The following NSD1 variants were observed in gnomAD, a reference collection of about 807,000 sequenced individuals.
NSD1 encodes nuclear receptor binding SET domain protein 1.
NSD1 carries 26 observed loss-of-function variants against 242.7 expected under a neutral mutation model. The ratio of observed to expected loss-of-function variants is 0.11; its 90% CI spans 0.08 to 0.15. NSD1 has a LOEUF of 0.15. Ranked by LOEUF, NSD1 falls within the 10% of genes least tolerant of loss-of-function variation. The pLI is 1.00. For synonymous variants in NSD1, 1,106 were observed against 1,178.1 expected (o/e 0.94, Z 1.25); for missense variants, 2,495 against 3,272.8 (o/e 0.76, Z 5.80).
chr5:177,254,074 A>G (rs1756225928), intron 12 of NSD1, among the ~76,000 whole-genome samples: 1 of 151,916 alleles, frequency 6.6e-6, no homozygotes, highest in Admixed American at 6.6e-5. Context: ...CAGCCTCCCA[A>G]GTAGCTGGGA....
intron 2 of NSD1, among the ~76,000 whole-genome samples, chr5:177,146,036 CACTG>C (rs1757212159): frequency 6.6e-6 from 1 of 151,330 alleles, no homozygotes; most frequent in African/African-American, 2.4e-5. Context: ...CTACAGTGAA[CACTG>C]ACTGTGCCAC....
chr5:177,206,452 A>G (rs1762873807), intron 4 of NSD1, among the ~76,000 whole-genome samples: 1 of 152,180 alleles, frequency 6.6e-6, no homozygotes, highest in African/African-American at 2.4e-5. Flanking sequence ...CTTGTAGACT[A>G]TTTTTAAAAA....
chr5:177,155,059 C>T (rs559080694), intron 2 of NSD1, among the ~76,000 whole-genome samples: 10 of 150,746 alleles, frequency 6.6e-5, no homozygotes, highest in African/African-American at 9.7e-5. Flanking sequence ...GGTTTGATCT[C>T]GGCTCACTGC....
chr5:177,242,125 T>TA (rs1226668620), intron 8 of NSD1, among the ~76,000 whole-genome samples: 4 of 152,184 alleles, frequency 2.6e-5, no homozygotes, highest in African/African-American at 9.7e-5. Flanking sequence ...TTTTAAGTTA[T>TA]AAAATTGATC....
chr5:177,160,934 A>G (rs1758698389), intron 2 of NSD1, among the ~76,000 whole-genome samples: 1 of 151,280 alleles, frequency 6.6e-6, no homozygotes, highest in African/African-American at 2.4e-5. Flanking sequence ...ACGCCCAGCT[A>G]ATTTTTGTGT....
At chr5:177,257,174 A>G in intron 13 of NSD1, 23 bp downstream of exon 13, 1 of 1,586,570 alleles carries the variant, frequency 6.3e-7, no homozygotes, top group Non-Finnish European at 8.7e-7. Flanking sequence ...TATGTGGACC[A>G]GTCTAATTGT....
chr5:177,253,752 C>T (rs1756195476), intron 12 of NSD1, among the ~76,000 whole-genome samples: 1 of 152,118 alleles, frequency 6.6e-6, no homozygotes, highest in African/African-American at 2.4e-5. Context: ...TCTGGCTCAG[C>T]CTCCTTAGTA....
rs1410310481 is a variant in NSD1, at chr5:177,210,305, A to G, written c.1906A>G (p.Ile636Val). ...AGDEEKRSDS[I>V]SICTTSDDGS... Reference sequence around the variant, plus strand: ...TGATGAGGAAAAGCGAAGTGATTCCATTAGTATCTGTACCACTTCTGATGA... The same window carrying G: ...TGATGAGGAAAAGCGAAGTGATTCCGTTAGTATCTGTACCACTTCTGATGA... Residue 636 changes from isoleucine (I) to valine (V), a missense_variant, in exon 5 of 23, where the codon ATT (isoleucine) becomes GTT (valine). Around this residue, in one of 19 missense-constraint regions of NSD1, gnomAD observed 515 missense variants for 467.0 expected, o/e 1.10. Coordinates refer to ENST00000439151, the MANE Select transcript of NSD1 (RefSeq NM_022455.5). 6.8e-6 allele frequency: 11 copies of G among 1,612,898 alleles called. No homozygotes were observed. Among genetic ancestry groups the G allele is most frequent in the South Asian group, 3.3e-5 (3 of 90,940 alleles).
At position 177,265,991 on chromosome 5, in the gene NSD1, TC is replaced by T. The variant is rs1303479176; in HGVS notation, c.5147-1569del. On this transcript the variant is annotated intron_variant, in intron 14 of 22. Transcript: ENST00000439151. ...GAGGTCCACCACATCCACTAGGGTTTCCTTGATGGCCACATCTTTGATGCAA... is the reference window on the plus strand; with the variant it reads ...GAGGTCCACCACATCCACTAGGGTTTCTTGATGGCCACATCTTTGATGCAA... 4 of 1,046,370 alleles carry T rather than the reference TC, an allele frequency of 3.8e-6. No individual in the cohort carries two copies. The African/African-American group carries it at 6.2e-5, about 16-fold the overall frequency. The allele number at this position is 1,046,370 out of a possible 1,614,324, so 64.8% of individuals were successfully genotyped here.
chr5:177,241,974 A>T lies in NSD1; in HGVS notation c.4302+2109A>T, dbSNP rs1460950324. ...ATATCCACACTAGACTATATATACA[A>T]AGTAAGTTACTGGCATCTTAGTCAC... On this transcript the variant is annotated intron_variant, in intron 8 of 22. Transcript: ENST00000439151. 3.9e-5 allele frequency among the ~76,000 whole-genome samples: 6 copies of T among 152,328 alleles called. No individual in the cohort carries two copies. In the East Asian group the frequency reaches 1.2e-3, roughly 29 times the overall value.
chr5:177,248,765 A>G (rs973874251), intron 11 of NSD1, among the ~76,000 whole-genome samples: 8 of 152,196 alleles, frequency 5.3e-5, no homozygotes, highest in Non-Finnish European at 1.0e-4. Flanking sequence ...AAATATTTGT[A>G]GAGTATTTAC....
chr5:177,167,807 A>G (rs1759336901), intron 2 of NSD1, among the ~76,000 whole-genome samples: 1 of 152,210 alleles, frequency 6.6e-6, no homozygotes. Flanking sequence ...CAATGGTTCA[A>G]CTTAACGATA....
intron 3 of NSD1, among the ~76,000 whole-genome samples, chr5:177,201,846 A>G (rs937868606): frequency 7.9e-5 from 12 of 151,540 alleles, no homozygotes; most frequent in Non-Finnish European, 1.5e-5. Context: ...GGCATGAGCC[A>G]TCCCACCTGG....
chr5:177,249,932 A>G (rs981079008), intron 11 of NSD1, among the ~76,000 whole-genome samples: 2 of 152,222 alleles, frequency 1.3e-5, no homozygotes, highest in Non-Finnish European at 2.9e-5. Context: ...CCAAAAATAC[A>G]AAAATTAGCC....
intron 2 of NSD1, among the ~76,000 whole-genome samples, chr5:177,145,364 G>T (rs533551525): frequency 6.7e-6 from 1 of 149,108 alleles, no homozygotes; most frequent in Non-Finnish European, 1.5e-5. Context: ...CTGCAGTTTA[G>T]ACCTCCTGTG....
At chr5:177,183,695 T>C (rs1242355337) in intron 2 of NSD1, among the ~76,000 whole-genome samples, 3 of 152,190 alleles carry the variant, frequency 2.0e-5, no homozygotes, top group African/African-American at 7.2e-5. Flanking sequence ...GCTATCAAAT[T>C]CTAGTTCTTA....
At chr5:177,256,629 G>T (rs1049177663) in intron 12 of NSD1, among the ~76,000 whole-genome samples, 5 of 152,152 alleles carry the variant, frequency 3.3e-5, no homozygotes, top group African/African-American at 1.2e-4. Flanking sequence ...CCCTTAACTT[G>T]TTCCTCTGTC....
chr5:177,278,668 G>GT (rs1383452120), intron 17 of NSD1, among the ~76,000 whole-genome samples: 1 of 152,182 alleles, frequency 6.6e-6, no homozygotes, highest in Non-Finnish European at 1.5e-5. Flanking sequence ...TGTCTACCAT[G>GT]TTTAAGAGGC....
intron 20 of NSD1, among the ~76,000 whole-genome samples, chr5:177,287,837 G>C (rs141386824): frequency 6.6e-6 from 1 of 152,128 alleles, no homozygotes; most frequent in African/African-American, 2.4e-5. Flanking sequence ...TGACCCTAAC[G>C]TAGCTGCTGG....
Sources: gnomAD v4.1 joint callset for allele counts (sites outside exome capture counted in the v4.1 genomes callset) on GRCh38, gnomAD v4.1.1 for gene constraint, gnomAD v4.1.1 regional missense constraint, MANE v1.5 for transcripts, NCBI Gene and HGNC (gene_info 2026-07-23, HGNC 2026-07-21) for gene names.